Variants in AKAP13 observed in about 807,000 individuals in gnomAD.
AKAP13 encodes the protein A-kinase anchor protein 13.
Under a neutral mutation model 264.5 loss-of-function variants are expected in AKAP13, and 80 were observed. That is an observed-to-expected ratio of 0.30 (90% CI 0.25 to 0.36). The LOEUF is 0.36. AKAP13 is among the 10% of genes least tolerant of loss of function. AKAP13 has a pLI of 1.00. For missense variants in AKAP13, 3,712 were observed against 3,435.2 expected, an observed-to-expected ratio of 1.08 and a Z score of -2.01; for synonymous variants, 1,380 against 1,250.2, an observed-to-expected ratio of 1.10 and a Z score of -2.19.
At chr15:85,532,652 T>A (rs1050339024) in intron 3 of AKAP13, among the ~76,000 whole-genome samples, 7 of 152,232 alleles carry the variant, frequency 4.6e-5, no homozygotes, top group African/African-American at 1.7e-4. Flanking sequence ...TTCATTGTGA[T>A]GAGTATATTC....
chr15:85,500,839 C>A (rs1596345972), intron 2 of AKAP13, among the ~76,000 whole-genome samples: 2 of 152,118 alleles, frequency 1.3e-5, no homozygotes, highest in African/African-American at 4.8e-5. Flanking sequence ...GTCTTTGGAG[C>A]CCTTCACAAA....
At position 85,576,346 on chromosome 15, in the gene AKAP13, T is replaced by C. The variant is rs62023922; in HGVS notation, c.861+1017T>C. 3.4e-3 allele frequency among the ~76,000 whole-genome samples: 523 copies of C among 152,262 alleles called. 1 individual carries two copies. Among genetic ancestry groups the C allele is most frequent in the Non-Finnish European group, 6.3e-3 (428 of 68,024 alleles). On this transcript the variant is annotated intron_variant, in intron 6 of 36. Transcript: ENST00000394518. ...GATGATATGTACCATTTAAATATAGTGTTACTATATTTAAATCAATAGTTG... is the reference window on the plus strand; with the variant it reads ...GATGATATGTACCATTTAAATATAGCGTTACTATATTTAAATCAATAGTTG...
chr15:85,622,196 A>G lies in AKAP13; in HGVS notation c.4162-17178A>G, dbSNP rs191859886. Among the ~76,000 whole-genome samples, 29 of 152,320 alleles carry G rather than the reference A, an allele frequency of 1.9e-4. No individual in the cohort carries two copies. In the East Asian group the frequency reaches 5.0e-3, roughly 26 times the overall value. The stretch of plus-strand genomic sequence containing the variant: ...GAAATAAATAAGTACAAACTGTTAT[A>G]ATTGATTTGAAAGAAATGAGTAGGG... On this transcript the variant is annotated intron_variant, in intron 8 of 36. Transcript: ENST00000394518.
chr15:85,415,387 T>C, intron 1 of AKAP13: 2 of 1,604,958 alleles, frequency 1.2e-6, no homozygotes, highest in Non-Finnish European at 1.7e-6. Flanking sequence ...AACCTCACCA[T>C]AAAAACCGAG....
chr15:85,687,454 T>C (rs1325572050), intron 16 of AKAP13, among the ~76,000 whole-genome samples: 1 of 152,206 alleles, frequency 6.6e-6, no homozygotes, highest in East Asian at 1.9e-4. Context: ...GTTGACCTCT[T>C]GTCTCTGATC....
chr15:85,410,432 C>T (rs549982080), intron 1 of AKAP13, among the ~76,000 whole-genome samples: 13 of 151,618 alleles, frequency 8.6e-5, no homozygotes, highest in Non-Finnish European at 1.8e-4. Context: ...CTGGCCTTTC[C>T]AAAACACCTT....
At chr15:85,554,805 C>T (rs531467810) in intron 5 of AKAP13, among the ~76,000 whole-genome samples, 1 of 152,172 alleles carries the variant, frequency 6.6e-6, no homozygotes, top group East Asian at 1.9e-4. Context: ...TTTAAGTAGT[C>T]CAAGATCACA....
In AKAP13 at chr15:85,513,830, C is replaced by T. The variant is rs913226651; in HGVS notation, c.34-7598C>T. 4.9e-4 allele frequency among the ~76,000 whole-genome samples: 43 copies of T among 88,550 alleles called. 5 individuals carry two copies. The highest frequency in any genetic ancestry group is 7.0e-4 in the Non-Finnish European group (31 of 44,070). 58.1% of individuals were successfully genotyped at this position (88,550 alleles called of 152,430 possible). A position where few individuals can be genotyped will look rare whatever the true frequency, so the allele number is the denominator to read the frequency against. On this transcript the variant is annotated intron_variant, in intron 2 of 36. Transcript: ENST00000394518. ...TCTCCTCTTGCTTAATAGACTGTTT[C>T]TCATTGTCCGACGTTTCCTTGTGAT...
At chr15:85,556,411 A>G (rs1249080489) in intron 5 of AKAP13, among the ~76,000 whole-genome samples, 4 of 152,226 alleles carry the variant, frequency 2.6e-5, no homozygotes, top group African/African-American at 9.7e-5. Flanking sequence ...TTCCAGCTGC[A>G]TTATAATCTT....
chr15:85,431,291 G>C (rs1324720448), intron 1 of AKAP13, among the ~76,000 whole-genome samples: 1 of 152,198 alleles, frequency 6.6e-6, no homozygotes, highest in Admixed American at 6.5e-5. Context: ...TCCCAGTACA[G>C]TGATTACGAA....
At chr15:85,503,398 C>T (rs1439714038) in intron 2 of AKAP13, among the ~76,000 whole-genome samples, 1 of 152,124 alleles carries the variant, frequency 6.6e-6, no homozygotes, top group Non-Finnish European at 1.5e-5. Flanking sequence ...GGTACTATAG[C>T]CCCCAAAGCA....
chr15:85,555,424 G>A, intron 5 of AKAP13: 1 of 1,288,960 alleles, frequency 7.8e-7, no homozygotes, highest in Non-Finnish European at 1.0e-6. Context: ...TATTTTTAAA[G>A]CTGTAGTATG....
At chr15:85,466,978 C>T (rs2074764502) in intron 1 of AKAP13, among the ~76,000 whole-genome samples, 1 of 151,832 alleles carries the variant, frequency 6.6e-6, no homozygotes, top group Non-Finnish European at 1.5e-5. Flanking sequence ...GGGTTCCCAG[C>T]ATGGACCATT....
At chr15:85,743,000 C>T (rs1198788512) in intron 35 of AKAP13, among the ~76,000 whole-genome samples, 2 of 152,118 alleles carry the variant, frequency 1.3e-5, no homozygotes, top group African/African-American at 2.4e-5. Flanking sequence ...TAAGAGAACC[C>T]AGAGTAGATG....
intron 3 of AKAP13, among the ~76,000 whole-genome samples, chr15:85,527,080 G>A (rs1481770672): frequency 6.6e-6 from 1 of 151,508 alleles, no homozygotes; most frequent in South Asian, 2.1e-4. Flanking sequence ...TCAGCCTCCC[G>A]AGTTCCCGAG....
intron 1 of AKAP13, among the ~76,000 whole-genome samples, chr15:85,433,362 A>C (rs2073114868): frequency 1.3e-5 from 2 of 152,126 alleles, no homozygotes; most frequent in Admixed American, 1.3e-4. Context: ...AATGCTTGTG[A>C]CCACTTCTTA....
At chr15:85,649,599 A>G (rs1313627067) in intron 10 of AKAP13, among the ~76,000 whole-genome samples, 1 of 152,206 alleles carries the variant, frequency 6.6e-6, no homozygotes, top group African/African-American at 2.4e-5. Flanking sequence ...GGCCTCACAG[A>G]GGTCTTTAAC....
In AKAP13 at chr15:85,727,053, T is replaced by A. The variant is rs2087663908; in HGVS notation, c.6823-13T>A. 8 of 1,614,000 alleles carry A rather than the reference T, an allele frequency of 5.0e-6. No homozygotes were observed. The East Asian group carries it at 1.8e-4, about 36-fold the overall frequency. On this transcript the variant is annotated splice_polypyrimidine_tract_variant and intron_variant, in intron 27 of 36. Transcript: ENST00000394518. The surrounding 1 kb of genome is among the most constrained non-coding windows in gnomAD (Gnocchi z 5.3). ...TATATGTATCTTTTATTTGCCCTCT[T>A]CCCTTTTTCCAGGACCAGAAGTCAA... is the stretch of plus-strand genomic sequence containing the variant.
chr15:85,696,253 C>T (rs1597092279), intron 17 of AKAP13, among the ~76,000 whole-genome samples: 1 of 152,216 alleles, frequency 6.6e-6, no homozygotes, highest in East Asian at 1.9e-4. Context: ...TAATATAATC[C>T]ATAAGCCCAC....
Sources: gnomAD v4.1 joint callset for allele counts (sites outside exome capture counted in the v4.1 genomes callset) on GRCh38, gnomAD v4.1.1 for gene constraint, Gnocchi (gnomAD v3.1) non-coding constraint, MANE v1.5 for transcripts, NCBI Gene and HGNC (gene_info 2026-07-23, HGNC 2026-07-21) for gene names.